The following KCND2 variants were observed in gnomAD, a reference collection of about 807,000 sequenced individuals.
The protein encoded by KCND2 is potassium voltage-gated channel subfamily D member 2.
Under a neutral mutation model 54.4 loss-of-function variants are expected in KCND2, and 16 were observed. The observed-to-expected ratio is 0.29, with a 90% CI of 0.20 to 0.45. KCND2 has a LOEUF of 0.45. KCND2 is among the 20% of genes least tolerant of loss of function. The probability of loss-of-function intolerance (pLI) is 1.00; values close to 1 mark genes in which losing one functional copy is unlikely to be tolerated. For missense variants in KCND2, 486 were observed against 824.2 expected (o/e 0.59, Z 5.02); for synonymous variants, 317 against 310.7 (o/e 1.02, Z -0.21).
chr7:120,550,583 A>G (rs1241069433), intron 1 of KCND2, among the ~76,000 whole-genome samples: 3 of 152,182 alleles, frequency 2.0e-5, no homozygotes, highest in Non-Finnish European at 4.4e-5. Context: ...TTATGTGAAG[A>G]AACAGGAAAT....
At chr7:120,293,970 A>G (rs1562999709) in intron 1 of KCND2, among the ~76,000 whole-genome samples, 2 of 152,034 alleles carry the variant, frequency 1.3e-5, no homozygotes, top group Admixed American at 6.6e-5. Context: ...TGACAAAACT[A>G]AATTCTCTGC....
chr7:120,729,695 G>C (rs140652520), intron 1 of KCND2, among the ~76,000 whole-genome samples: 1 of 152,184 alleles, frequency 6.6e-6, no homozygotes, highest in African/African-American at 2.4e-5. Context: ...TGAACACTTT[G>C]TGCCCCCTTC....
At chr7:120,363,183 C>T (rs1459400312) in intron 1 of KCND2, among the ~76,000 whole-genome samples, 2 of 152,026 alleles carry the variant, frequency 1.3e-5, no homozygotes, top group Non-Finnish European at 2.9e-5. Context: ...GTAGTCATAG[C>T]TACTCGGGTG....
At chr7:120,325,176 C>A in intron 1 of KCND2, among the ~76,000 whole-genome samples, 1 of 131,050 alleles carries the variant, frequency 7.6e-6, no homozygotes, top group Non-Finnish European at 1.6e-5. Context: ...GCTGAAGTTG[C>A]TTATCAGCTT....
At chr7:120,644,567 C>G (rs1349658890) in intron 1 of KCND2, among the ~76,000 whole-genome samples, 1 of 152,136 alleles carries the variant, frequency 6.6e-6, no homozygotes, top group Non-Finnish European at 1.5e-5. Context: ...GATTTTGTTT[C>G]TCATCAAATG....
intron 1 of KCND2, among the ~76,000 whole-genome samples, chr7:120,686,979 C>T (rs1414008088): frequency 6.6e-6 from 1 of 152,094 alleles, no homozygotes; most frequent in Non-Finnish European, 1.5e-5. Context: ...GCATAACAAC[C>T]ACCTGACAAT....
At chr7:120,726,129 T>TG (rs778010064) in intron 1 of KCND2, among the ~76,000 whole-genome samples, 3 of 151,368 alleles carry the variant, frequency 2.0e-5, no homozygotes, top group African/African-American at 4.8e-5. Context: ...CATTAGCTGA[T>TG]CCAAAAAAAA....
At chr7:120,736,173 A>T (rs1172192947) in intron 2 of KCND2, among the ~76,000 whole-genome samples, 1 of 152,092 alleles carries the variant, frequency 6.6e-6, no homozygotes, top group African/African-American at 2.4e-5. Context: ...AAAAGCATGA[A>T]ATAGACACAA....
intron 4 of KCND2, among the ~76,000 whole-genome samples, chr7:120,745,065 C>T (rs1792989129): frequency 1.3e-5 from 2 of 152,036 alleles, no homozygotes; most frequent in Admixed American, 1.3e-4. Context: ...CAAATGCATA[C>T]AGAGATCATG....
intron 1 of KCND2, among the ~76,000 whole-genome samples, chr7:120,486,505 C>T (rs1802695684): frequency 6.6e-6 from 1 of 151,990 alleles, no homozygotes; most frequent in South Asian, 2.1e-4. Context: ...ACCAAGGGTA[C>T]AGGGGAAGAG....
At chr7:120,714,988 A>T (rs1409995340) in intron 1 of KCND2, among the ~76,000 whole-genome samples, 1 of 152,102 alleles carries the variant, frequency 6.6e-6, no homozygotes, top group Non-Finnish European at 1.5e-5. Context: ...AAGCACTTAC[A>T]TTCTAAAGAT....
chr7:120,676,388 C>T (rs1014756475), intron 1 of KCND2, among the ~76,000 whole-genome samples: 3 of 152,086 alleles, frequency 2.0e-5, no homozygotes, highest in African/African-American at 7.2e-5. Context: ...GTTTAGACAT[C>T]ACTCAGTCCC....
intron 1 of KCND2, among the ~76,000 whole-genome samples, chr7:120,427,037 C>CAT (rs1272601302): frequency 4.2e-4 from 64 of 152,254 alleles, no homozygotes; most frequent in Non-Finnish European, 1.2e-4. Context: ...ACAGAAAAAT[C>CAT]CTAGACTGGT....
At chr7:120,473,843 C>T (rs1007515821) in intron 1 of KCND2, among the ~76,000 whole-genome samples, 2 of 152,154 alleles carry the variant, frequency 1.3e-5, no homozygotes, top group East Asian at 1.9e-4. Context: ...AAGCAAATCA[C>T]TGGATATACT....
chr7:120,494,516 A>G (rs1403929367), intron 1 of KCND2, among the ~76,000 whole-genome samples: 1 of 152,160 alleles, frequency 6.6e-6, no homozygotes, highest in African/African-American at 2.4e-5. Flanking sequence ...TTAGGCATGG[A>G]TCAATATAGA....
chr7:120,647,700 T>C (rs893256280), intron 1 of KCND2, among the ~76,000 whole-genome samples: 2 of 152,244 alleles, frequency 1.3e-5, no homozygotes, highest in African/African-American at 4.8e-5. Context: ...GTTAATATTC[T>C]CCATTAAATA....
chr7:120,691,160 A>G (rs772509825), intron 1 of KCND2, among the ~76,000 whole-genome samples: 10 of 152,234 alleles, frequency 6.6e-5, no homozygotes, highest in Non-Finnish European at 1.2e-4. Flanking sequence ...CTTGTGGACC[A>G]TCCCAATGAC....
chr7:120,709,140 G>A (rs557304906), intron 1 of KCND2, among the ~76,000 whole-genome samples: 6 of 152,100 alleles, frequency 3.9e-5, no homozygotes, highest in African/African-American at 1.4e-4. Flanking sequence ...AAAAAGCAAG[G>A]AAAATGTGCC....
chr7:120,503,896 A>G (rs1314379841), intron 1 of KCND2, among the ~76,000 whole-genome samples: 2 of 152,084 alleles, frequency 1.3e-5, no homozygotes, highest in East Asian at 1.9e-4. Context: ...CTGAAGTTTC[A>G]TTAGCTTCAC....
Sources: allele counts gnomAD v4.1 joint callset (sites outside exome capture counted in the v4.1 genomes callset), GRCh38; gene constraint gnomAD v4.1.1; transcripts MANE v1.5; gene names NCBI Gene and HGNC (gene_info 2026-07-23, HGNC 2026-07-21).